The following MAEL variants were observed in gnomAD, a reference collection of about 807,000 sequenced individuals.
MAEL encodes the protein maelstrom spermatogenic transposon silencer.
A neutral mutation model predicts 62.0 loss-of-function variants in MAEL; 46 were observed. The ratio of observed to expected loss-of-function variants is 0.74; its 90% CI spans 0.59 to 0.95. The LOEUF (loss-of-function observed/expected upper bound fraction) is 0.95, where lower values mean the gene tolerates loss of function less well. MAEL is among the 40% of genes least tolerant of loss of function. The pLI is 0.00. For missense variants in MAEL, 497 were observed against 526.8 expected (o/e 0.94, Z 0.55); for synonymous variants, 172 against 175.5 (o/e 0.98, Z 0.16).
chr1:166,980,283 C>G (rs941300395), intron 1 of MAEL, among the ~76,000 whole-genome samples: 2 of 152,144 alleles, frequency 1.3e-5, no homozygotes, highest in Non-Finnish European at 2.9e-5. Context: ...ACCTCAGCCT[C>G]CCAAAGTGCT....
At chr1:167,003,772 GTCA>G (rs1348513708) in intron 5 of MAEL, among the ~76,000 whole-genome samples, 1 of 152,084 alleles carries the variant, frequency 6.6e-6, no homozygotes, top group East Asian at 1.9e-4. Flanking sequence ...TGAAGTGGGT[GTCA>G]TCATATAACT....
chr1:167,005,958 A>G (rs1181190219), intron 8 of MAEL: 1 of 152,356 alleles, frequency 6.6e-6, no homozygotes, highest in East Asian at 1.9e-4. Flanking sequence ...AAGAATGTTT[A>G]GTCTACGGCC....
intron 1 of MAEL, among the ~76,000 whole-genome samples, chr1:166,977,010 G>T (rs1663608464): frequency 6.6e-6 from 1 of 152,240 alleles, no homozygotes; most frequent in Admixed American, 6.5e-5. Context: ...GGAGCAAGTG[G>T]TGGATATAAG....
At chr1:166,992,130 T>C (rs564942359) in intron 3 of MAEL, among the ~76,000 whole-genome samples, 67 of 152,322 alleles carry the variant, frequency 4.4e-4, no homozygotes, top group Non-Finnish European at 8.2e-4. Flanking sequence ...TTTTATTGTG[T>C]TCTGCCTTTG....
intron 5 of MAEL, among the ~76,000 whole-genome samples, chr1:167,001,408 G>A (rs751065670): frequency 2.6e-5 from 4 of 152,010 alleles, no homozygotes; most frequent in Non-Finnish European, 5.9e-5. Context: ...AAAAACCTAC[G>A]GAAATAAAAA....
intron 5 of MAEL, among the ~76,000 whole-genome samples, chr1:166,995,444 G>T (rs1236192380): frequency 6.6e-6 from 1 of 151,926 alleles, no homozygotes; most frequent in Non-Finnish European, 1.5e-5. Flanking sequence ...TCTCCATGTT[G>T]ATCAGGCTGG....
chr1:167,008,007 G>T (rs1249233643), intron 8 of MAEL, among the ~76,000 whole-genome samples: 1 of 151,736 alleles, frequency 6.6e-6, no homozygotes, highest in Non-Finnish European at 1.5e-5. Flanking sequence ...GCTTTTGAAT[G>T]TCTAAAGCAT....
intron 10 of MAEL, among the ~76,000 whole-genome samples, chr1:167,019,237 C>G (rs1051199934): frequency 6.6e-6 from 1 of 152,184 alleles, no homozygotes; most frequent in African/African-American, 2.4e-5. Flanking sequence ...TACAGGACAG[C>G]CTTCCACAAC....
intron 5 of MAEL, among the ~76,000 whole-genome samples, chr1:166,998,902 A>T (rs989855841): frequency 6.6e-6 from 1 of 152,124 alleles, no homozygotes; most frequent in Non-Finnish European, 1.5e-5. Context: ...GTGATCTGTG[A>T]TCAGTGATCC....
At chr1:166,987,089 A>G (rs1405142791), upstream of MAEL, among the ~76,000 whole-genome samples, 1 of 152,000 alleles carries the variant, frequency 6.6e-6, no homozygotes, top group Non-Finnish European at 1.5e-5. Context: ...TAGTTTGATG[A>G]ATTTTGACAA....
chr1:166,998,363 C>A (rs2102083487), intron 5 of MAEL, among the ~76,000 whole-genome samples: 1 of 152,126 alleles, frequency 6.6e-6, no homozygotes, highest in East Asian at 1.9e-4. Context: ...GTTTATCATG[C>A]CTTTTGTTGC....
chr1:166,977,870 G>A (rs1216707491), intron 1 of MAEL, among the ~76,000 whole-genome samples: 1 of 152,200 alleles, frequency 6.6e-6, no homozygotes, highest in Non-Finnish European at 1.5e-5. Flanking sequence ...AGGACCACTT[G>A]AACCTGGGAG....
chr1:167,002,393 AATCCTCTTATCGGG>A (rs1284295632), intron 5 of MAEL, among the ~76,000 whole-genome samples: 1 of 152,200 alleles, frequency 6.6e-6, no homozygotes, highest in Admixed American at 6.5e-5. Flanking sequence ...TATGTTGGAT[AATCCTCTTATCGGG>A]ATCTTCTTTT....
chr1:166,997,806 C>T (rs1049670582), intron 5 of MAEL, among the ~76,000 whole-genome samples: 41 of 152,054 alleles, frequency 2.7e-4, no homozygotes, highest in African/African-American at 8.9e-4. Context: ...TGAAAATAAT[C>T]TCTATTTCTA....
At chr1:167,016,158 G>A (rs1665379951) in intron 8 of MAEL, 64 bp from the exon 9 acceptor site, 1 of 1,329,030 alleles carries the variant, frequency 7.5e-7, no homozygotes, top group Non-Finnish European at 1.1e-6. Context: ...TAGAAATCTG[G>A]CATATAAAAA....
intron 6 of MAEL, 45 bp from the exon 7 acceptor site, chr1:167,005,031 A>G: frequency 6.3e-7 from 1 of 1,577,454 alleles, no homozygotes; most frequent in Non-Finnish European, 8.7e-7. Context: ...AGGAGAAGAT[A>G]CAAGTAGTTT....
intron 1 of MAEL, among the ~76,000 whole-genome samples, chr1:166,978,839 A>T (rs984288311): frequency 3.3e-5 from 5 of 152,224 alleles, no homozygotes; most frequent in African/African-American, 1.2e-4. Flanking sequence ...CTGGCTCTGC[A>T]ATACTTCAAA....
intron 8 of MAEL, among the ~76,000 whole-genome samples, chr1:167,016,011 G>C (rs941220834): frequency 6.6e-6 from 1 of 152,176 alleles, no homozygotes; most frequent in African/African-American, 2.4e-5. Context: ...AAATTTGACT[G>C]TATGGTTATG....
intron 8 of MAEL, among the ~76,000 whole-genome samples, chr1:167,014,992 A>G (rs1337938470): frequency 6.6e-6 from 1 of 152,136 alleles, no homozygotes; most frequent in African/African-American, 2.4e-5. Context: ...CCTCATAGCT[A>G]AATATGAACA....
Sources: allele counts gnomAD v4.1 joint callset (sites outside exome capture counted in the v4.1 genomes callset), GRCh38; gene constraint gnomAD v4.1.1; transcripts MANE v1.5; gene names NCBI Gene and HGNC (gene_info 2026-07-23, HGNC 2026-07-21).